The following OGFOD3 variants were observed in gnomAD, a reference collection of about 807,000 sequenced individuals.
OGFOD3 encodes the protein 2-oxoglutarate and iron dependent oxygenase domain containing 3, also known as 2-oxoglutarate and iron-dependent oxygenase domain-containing protein 3.
Under a neutral mutation model 39.8 loss-of-function variants are expected in OGFOD3, and 35 were observed. The observed-to-expected ratio is 0.88, with a 90% CI of 0.67 to 1.17. The LOEUF (loss-of-function observed/expected upper bound fraction) is 1.17, where lower values mean the gene tolerates loss of function less well. Ranked by LOEUF, OGFOD3 falls within the 50% of genes most tolerant of loss-of-function variation. OGFOD3 has a pLI of 0.00. For synonymous variants in OGFOD3, 200 were observed against 192.0 expected (o/e 1.04, Z -0.34); for missense variants, 438 against 454.5 (o/e 0.96, Z 0.33).
At chr17:82,399,944 A>G (rs939432182) in intron 7 of OGFOD3, among the ~76,000 whole-genome samples, 6 of 152,174 alleles carry the variant, frequency 3.9e-5, no homozygotes, top group Admixed American at 3.9e-4. Flanking sequence ...CCAGCGCGGA[A>G]CTGGACACCC....
chr17:82,403,848 C>T, intron 7 of OGFOD3, 89 bp downstream of exon 7: 1 of 1,467,098 alleles, frequency 6.8e-7, no homozygotes, highest in Non-Finnish European at 9.2e-7. Context: ...CACGAGCGCG[C>T]TCACCCTGCC....
Position 82,406,405 on chromosome 17 carries a change from C to G in OGFOD3, c.488+13G>C. On this transcript the variant is annotated intron_variant, in intron 5 of 8. Coordinates refer to ENST00000313056, the MANE Select transcript of OGFOD3 (RefSeq NM_024648.3). The surrounding 1 kb of genome is among the most constrained non-coding windows in gnomAD (Gnocchi z 5.2). ...TTTCAGAGCCAGCACTGAGGTCATG[C>G]TGCAGCACTCACCTGTACAGGTTCA... 1 of 1,613,570 alleles carries G rather than the reference C, an allele frequency of 6.2e-7. No individual in the cohort carries two copies. The highest frequency in any genetic ancestry group is 8.5e-7 in the Non-Finnish European group (1 of 1,179,620).
In OGFOD3 at chr17:82,415,224, G is replaced by A. The variant is rs1051159626; in HGVS notation, c.304+174C>T. On this transcript the variant is annotated intron_variant, in intron 2 of 8. Coordinates refer to ENST00000313056, the MANE Select transcript of OGFOD3 (RefSeq NM_024648.3). The surrounding 1 kb of genome is among the most constrained non-coding windows in gnomAD (Gnocchi z 5.3). The stretch of plus-strand genomic sequence containing the variant: ...ACCGTGGCCGGGCAGTGATGGGCAG[G>A]GCGCGAAACACCTGCACTCCCAGTC... Among the ~76,000 whole-genome samples the A allele has an allele frequency of 5.9e-5, 9 of 152,150 alleles. No homozygotes were observed. The highest frequency in any genetic ancestry group is 1.9e-4 in the African/African-American group (8 of 41,422).
chr17:82,408,839 C>T (rs1319072152), intron 4 of OGFOD3, among the ~76,000 whole-genome samples: 1 of 152,176 alleles, frequency 6.6e-6, no homozygotes, highest in Non-Finnish European at 1.5e-5. Flanking sequence ...ATCATGTCCA[C>T]GGGCTCCAGG....
intron 5 of OGFOD3, among the ~76,000 whole-genome samples, chr17:82,405,887 C>G (rs1014014098): frequency 3.9e-5 from 6 of 152,072 alleles, no homozygotes; most frequent in Non-Finnish European, 8.8e-5. Flanking sequence ...GAGGCAGAGT[C>G]AAATGAGTCG....
At chr17:82,410,046 C>T (rs1021854244) in intron 3 of OGFOD3, among the ~76,000 whole-genome samples, 1 of 152,222 alleles carries the variant, frequency 6.6e-6, no homozygotes. Context: ...TCCTGGAACC[C>T]CAGGCAGGTG....
At chr17:82,407,275 A>C (rs2143260010) in intron 4 of OGFOD3, among the ~76,000 whole-genome samples, 1 of 152,288 alleles carries the variant, frequency 6.6e-6, no homozygotes, top group East Asian at 1.9e-4. Flanking sequence ...CAAAAAAAAA[A>C]AAAAATCTTC....
chr17:82,414,494 C>G (rs1280199645), intron 2 of OGFOD3, among the ~76,000 whole-genome samples: 1 of 152,112 alleles, frequency 6.6e-6, no homozygotes, highest in African/African-American at 2.4e-5. Context: ...ATTTCTGCTC[C>G]GTGCTAGCAT....
rs763618399 is a variant in OGFOD3, at chr17:82,415,433, C to CA, written c.268dup (p.Cys90LeufsTer3). 1 of 1,614,068 alleles carries CA rather than the reference C, an allele frequency of 6.2e-7. No homozygotes were observed. The highest frequency in any genetic ancestry group is 8.5e-7 in the Non-Finnish European group (1 of 1,179,988). ...GCGGTGACTGTCGTAGTCCTCAGAG[C>CA]AGGGCACCTCGATGAATCTCCCTGC... On this transcript the variant is annotated frameshift_variant, in exon 2 of 9. Coordinates refer to ENST00000313056, the MANE Select transcript of OGFOD3 (RefSeq NM_024648.3). LOFTEE classifies it high-confidence loss of function. The surrounding 1 kb of genome is among the most constrained non-coding windows in gnomAD (Gnocchi z 5.3).
In OGFOD3 at chr17:82,392,168, C is replaced by T; in HGVS notation, c.*230G>A. On this transcript the variant is annotated 3_prime_UTR_variant, in exon 9 of 9. Transcript: ENST00000313056. This position sits in a 1 kb window ranked among gnomAD's most constrained non-coding sequence, Gnocchi z 4.2. ...CCTGCTGGGTCCCTTTCCTGGCCTC[C>T]ACCTCAGGCTCCCAGGCCTACAGCC... 1.7e-6 allele frequency: 1 copy of T among 586,722 alleles called. No homozygotes were observed. Among genetic ancestry groups the T allele is most frequent in the South Asian group, 2.1e-5 (1 of 47,654 alleles). The allele number at this position is 586,722 out of a possible 1,614,324, so 36.3% of individuals were successfully genotyped here.
chr17:82,409,288 T>C lies in OGFOD3; in HGVS notation c.423+80A>G. Reference sequence around the variant, plus strand: ...GGGGGCACGCAGGGAACCCTGCATGTCTGTGCCTTCCCCTTCCCATCCAAG... The same window carrying C: ...GGGGGCACGCAGGGAACCCTGCATGCCTGTGCCTTCCCCTTCCCATCCAAG... On this transcript the variant is annotated intron_variant, in intron 4 of 8. Transcript: ENST00000313056. 1.4e-6 allele frequency: 2 copies of C among 1,451,152 alleles called. 1 individual carries two copies. The highest frequency in any genetic ancestry group is 4.6e-4 in the Middle Eastern group (2 of 4,344). 89.9% of individuals were successfully genotyped at this position (1,451,152 alleles called of 1,614,324 possible). A position where few individuals can be genotyped will look rare whatever the true frequency, so the allele number is the denominator to read the frequency against.
chr17:82,415,715 C>G lies in OGFOD3; in HGVS notation c.75-88G>C. On this transcript the variant is annotated intron_variant, in intron 1 of 8. Transcript: ENST00000313056. This position sits in a 1 kb window ranked among gnomAD's most constrained non-coding sequence, Gnocchi z 5.3. ...GATCATCAAAGTGCATGCACCATGA[C>G]CCGGCCTTCACTCACACGTCACCCC... 8.3e-7 allele frequency: 1 copy of G among 1,206,496 alleles called. No individual in the cohort carries two copies. The highest frequency in any genetic ancestry group is 2.6e-5 in the East Asian group (1 of 38,810). 74.7% of individuals were successfully genotyped at this position (1,206,496 alleles called of 1,614,324 possible).
chr17:82,398,039 T>C (rs1195898484), intron 8 of OGFOD3, among the ~76,000 whole-genome samples, 157 bp downstream of exon 8: 3 of 151,966 alleles, frequency 2.0e-5, no homozygotes, highest in African/African-American at 4.8e-5. Context: ...CTCCTGGGTG[T>C]TGGGACTGGC....
chr17:82,397,246 C>T (rs963743021), intron 8 of OGFOD3, among the ~76,000 whole-genome samples: 7 of 151,976 alleles, frequency 4.6e-5, no homozygotes, highest in African/African-American at 1.5e-4. Flanking sequence ...TCTGACTGAG[C>T]GGCCAGGCAG....
intron 1 of OGFOD3, among the ~76,000 whole-genome samples, chr17:82,418,086 T>C (rs1252912896): frequency 1.3e-5 from 2 of 152,220 alleles, no homozygotes; most frequent in African/African-American, 4.8e-5. Flanking sequence ...GGGTGGGTTA[T>C]TCCACGGGAC....
At position 82,404,275 on chromosome 17, in the gene OGFOD3, G is replaced by A. The variant is rs1193052653; in HGVS notation, c.546-185C>T. ...GGGAACGACGCGGCCCACAGCCCAC[G>A]CACAGAGCAGCCAGAGGCAGGCGCA... On this transcript the variant is annotated intron_variant, in intron 6 of 8. Transcript: ENST00000313056. The surrounding 1 kb of genome is among the most constrained non-coding windows in gnomAD (Gnocchi z 4.5). Among the ~76,000 whole-genome samples, 1 of 152,220 alleles carries A rather than the reference G, an allele frequency of 6.6e-6. No individual in the cohort carries two copies. The highest frequency in any genetic ancestry group is 2.4e-5 in the African/African-American group (1 of 41,464).
intron 7 of OGFOD3, among the ~76,000 whole-genome samples, chr17:82,399,116 G>GT (rs2052724636): frequency 6.6e-6 from 1 of 152,172 alleles, no homozygotes; most frequent in South Asian, 2.1e-4. Context: ...GATTACGCGC[G>GT]TGAGTCACCA....
chr17:82,408,445 A>G (rs1465713561), intron 4 of OGFOD3, among the ~76,000 whole-genome samples: 1 of 152,238 alleles, frequency 6.6e-6, no homozygotes, highest in African/African-American at 2.4e-5. Context: ...ACTGACTCCC[A>G]GCCACTGCCC....
chr17:82,399,479 T>A lies in OGFOD3; in HGVS notation c.700-1160A>T, dbSNP rs572508089. Among the ~76,000 whole-genome samples, 475 of 152,364 alleles carry A rather than the reference T, an allele frequency of 3.1e-3. 9 individuals carry two copies. Among genetic ancestry groups the A allele is most frequent in the Non-Finnish European group, 4.0e-3 (272 of 68,024 alleles). ...TAATAAAATGCAGAACCTAAGATTT[T>A]CCAGCTTAACTGTGTCTTCACTGTT... On this transcript the variant is annotated intron_variant, in intron 7 of 8. Coordinates refer to ENST00000313056, the MANE Select transcript of OGFOD3 (RefSeq NM_024648.3).
Sources: allele counts gnomAD v4.1 joint callset (sites outside exome capture counted in the v4.1 genomes callset), GRCh38; gene constraint gnomAD v4.1.1; non-coding constraint Gnocchi (gnomAD v3.1); transcripts MANE v1.5; gene names NCBI Gene and HGNC (gene_info 2026-07-23, HGNC 2026-07-21).